The following RASAL2 variants were observed in gnomAD, a reference collection of about 807,000 sequenced individuals.
The protein encoded by RASAL2 is RAS protein activator like 2.
RASAL2 carries 58 observed loss-of-function variants against 128.9 expected under a neutral mutation model. That is an observed-to-expected ratio of 0.45 (90% CI 0.36 to 0.56). The LOEUF (loss-of-function observed/expected upper bound fraction) is 0.56, where lower values mean the gene tolerates loss of function less well. Ranked by LOEUF, RASAL2 falls within the 20% of genes least tolerant of loss-of-function variation. The pLI is 0.00. For synonymous variants in RASAL2, 561 were observed against 580.8 expected (o/e 0.97, Z 0.49); for missense variants, 1,360 against 1,601.6 (o/e 0.85, Z 2.57).
chr1:178,431,832 GTATA>G (rs1675926112), intron 5 of RASAL2, among the ~76,000 whole-genome samples: 1 of 150,086 alleles, frequency 6.7e-6, no homozygotes, highest in Admixed American at 6.7e-5. Flanking sequence ...AAATGAATAT[GTATA>G]TATAGACATA....
chr1:178,228,222 TTTTG>T (rs1663863444), intron 1 of RASAL2, among the ~76,000 whole-genome samples: 1 of 152,210 alleles, frequency 6.6e-6, no homozygotes, highest in African/African-American at 2.4e-5. Flanking sequence ...TTGTATTTGA[TTTTG>T]TTTCTGTTAT....
intron 3 of RASAL2, among the ~76,000 whole-genome samples, chr1:178,362,695 T>C (rs1671186762): frequency 6.6e-6 from 1 of 152,108 alleles, no homozygotes; most frequent in Admixed American, 6.5e-5. Context: ...TGTGTATTTG[T>C]TGTTGCATTT....
At chr1:178,385,615 G>A (rs1307790435) in intron 3 of RASAL2, among the ~76,000 whole-genome samples, 1 of 151,098 alleles carries the variant, frequency 6.6e-6, no homozygotes, top group African/African-American at 2.4e-5. Flanking sequence ...TTAGCTTTTT[G>A]GAAGAAAGGG....
At chr1:178,341,604 C>T (rs1305095803) in intron 3 of RASAL2, 3 of 1,613,700 alleles carry the variant, frequency 1.9e-6, no homozygotes, top group East Asian at 2.2e-5. Context: ...CGATGCAGAC[C>T]CCAGGTAAGA....
At chr1:178,353,133 C>G (rs1222801085) in intron 3 of RASAL2, among the ~76,000 whole-genome samples, 1 of 152,210 alleles carries the variant, frequency 6.6e-6, no homozygotes, top group Non-Finnish European at 1.5e-5. Context: ...TGAATTCCTC[C>G]CCTGAAAATG....
chr1:178,299,941 A>T, intron 2 of RASAL2, 51 bp from the exon 3 acceptor site: 1 of 1,581,490 alleles, frequency 6.3e-7, no homozygotes, highest in South Asian at 1.1e-5. Context: ...ATCAGAACGT[A>T]GTTATGGTGA....
intron 1 of RASAL2, among the ~76,000 whole-genome samples, chr1:178,200,573 T>C (rs1346711347): frequency 1.3e-5 from 2 of 152,158 alleles, no homozygotes; most frequent in Non-Finnish European, 2.9e-5. Context: ...AAGATTGCAG[T>C]GATTGAGAGT....
At chr1:178,378,020 AAAG>A (rs998580727) in intron 3 of RASAL2, among the ~76,000 whole-genome samples, 19 of 152,108 alleles carry the variant, frequency 1.2e-4, no homozygotes, top group African/African-American at 3.4e-4. Flanking sequence ...ATTTTAAAAA[AAAG>A]AAAATCAGAA....
At chr1:178,257,423 A>ATATGTGTGTGTGTGTGTGTG (rs1665416405) in intron 1 of RASAL2, among the ~76,000 whole-genome samples, 1 of 147,244 alleles carries the variant, frequency 6.8e-6, no homozygotes, top group South Asian at 2.2e-4. Context: ...GCTCAGGGAT[A>ATATGTGTGTGTGTGTGTGTG]TGTGTGTGTG....
At chr1:178,382,409 A>G (rs1015519105) in intron 3 of RASAL2, among the ~76,000 whole-genome samples, 2 of 152,156 alleles carry the variant, frequency 1.3e-5, no homozygotes, top group African/African-American at 2.4e-5. Flanking sequence ...CAAGAGTATG[A>G]CTTAATTCTC....
intron 3 of RASAL2, among the ~76,000 whole-genome samples, chr1:178,384,921 T>C (rs1672476275): frequency 1.3e-5 from 2 of 152,214 alleles, no homozygotes; most frequent in South Asian, 4.1e-4. Flanking sequence ...AAATATTATA[T>C]GGCATATGAC....
intron 5 of RASAL2, among the ~76,000 whole-genome samples, chr1:178,421,228 A>G (rs1003845708): frequency 1.3e-5 from 2 of 152,158 alleles, no homozygotes; most frequent in Admixed American, 1.3e-4. Context: ...GTTTGCAATT[A>G]CATCTAGAAG....
At chr1:178,130,866 A>G (rs1026169418) in intron 1 of RASAL2, among the ~76,000 whole-genome samples, 54 of 152,118 alleles carry the variant, frequency 3.5e-4, no homozygotes, top group African/African-American at 1.1e-3. Context: ...CATCCTGGCT[A>G]ACACAGTGAA....
Position 178,456,846 on chromosome 1 carries a change from C to T in RASAL2, c.2337C>T (p.Val779=). Residue 779 remains valine (V), a synonymous_variant, in exon 13 of 18, where the codon GTC becomes GTT. Coordinates refer to ENST00000367649, the MANE Select transcript of RASAL2 (RefSeq NM_170692.4). The part of the protein sequence containing the change: ...RFTEHNSSPN[V]SGSLSSGLQK... ...CTGAACATAACTCCAGTCCAAATGT[C>T]AGTGGAAGCCTCTCCTCTGGGCTGC... 1 of 1,614,140 alleles carries T rather than the reference C, an allele frequency of 6.2e-7. No individual in the cohort carries two copies. Among genetic ancestry groups the T allele is most frequent in the South Asian group, 1.1e-5 (1 of 91,068 alleles).
intron 3 of RASAL2, among the ~76,000 whole-genome samples, chr1:178,375,647 G>T (rs1405030198): frequency 6.6e-6 from 1 of 152,104 alleles, no homozygotes; most frequent in Non-Finnish European, 1.5e-5. Context: ...TGTTTGTGTA[G>T]CTCAGGTGAA....
Position 178,094,266 on chromosome 1 carries a change from C to T in RASAL2, c.-227C>T. The T allele has an allele frequency of 1.9e-6, 1 of 536,316 alleles. No individual in the cohort carries two copies. The highest frequency in any genetic ancestry group is 2.5e-5 in the South Asian group (1 of 40,278). The allele number at this position is 536,316 out of a possible 1,614,324, so 33.2% of individuals were successfully genotyped here. A position where few individuals can be genotyped will look rare whatever the true frequency, so the allele number is the denominator to read the frequency against. On this transcript the variant is annotated 5_prime_UTR_variant, in exon 1 of 18. Transcript: ENST00000367649. ...ACCCTTGGTCGGGGCCACGCTGGAT[C>T]CTCCTCCCGGCCTGGGTCCCGCCCG...
chr1:178,111,249 C>T (rs1204301196), intron 1 of RASAL2, among the ~76,000 whole-genome samples: 4 of 152,012 alleles, frequency 2.6e-5, no homozygotes, highest in African/African-American at 7.2e-5. Context: ...GTGTACTAGT[C>T]TTTGCGCACA....
chr1:178,360,853 G>A (rs1571926048), intron 3 of RASAL2, among the ~76,000 whole-genome samples: 1 of 152,156 alleles, frequency 6.6e-6, no homozygotes, highest in East Asian at 1.9e-4. Context: ...GTATGGGTGG[G>A]AAGAAAATAA....
At chr1:178,451,531 A>G in intron 9 of RASAL2, 40 bp from the exon 10 acceptor site, 1 of 1,587,372 alleles carries the variant, frequency 6.3e-7, no homozygotes, top group Non-Finnish European at 8.6e-7. Flanking sequence ...TCAGGAAGAC[A>G]CTGTTTATAG....
Sources: allele counts gnomAD v4.1 joint callset (sites outside exome capture counted in the v4.1 genomes callset), GRCh38; gene constraint gnomAD v4.1.1; transcripts MANE v1.5; gene names NCBI Gene and HGNC (gene_info 2026-07-23, HGNC 2026-07-21).